Variants in DSCAM observed in about 807,000 individuals in gnomAD.
The protein encoded by DSCAM is DS cell adhesion molecule.
A neutral mutation model predicts 217.7 loss-of-function variants in DSCAM; 47 were observed. The ratio of observed to expected loss-of-function variants is 0.22; its 90% CI spans 0.17 to 0.28. The LOEUF is 0.28. Ranked by LOEUF, DSCAM falls within the 10% of genes least tolerant of loss-of-function variation. The pLI, the probability that DSCAM is intolerant of heterozygous loss-of-function variation, is 1.00. For missense variants in DSCAM, 2,080 were observed against 2,618.3 expected (o/e 0.79, Z 4.49); for synonymous variants, 1,056 against 1,015.3 (o/e 1.04, Z -0.76).
chr21:40,479,953 G>C (rs2075968426), intron 3 of DSCAM, among the ~76,000 whole-genome samples: 1 of 152,168 alleles, frequency 6.6e-6, no homozygotes, highest in African/African-American at 2.4e-5. Context: ...ATGGTCTTTT[G>C]TGCCAGGTAA....
intron 3 of DSCAM, among the ~76,000 whole-genome samples, chr21:40,514,026 C>T (rs1212648448): frequency 6.6e-6 from 1 of 152,128 alleles, no homozygotes; most frequent in Non-Finnish European, 1.5e-5. Flanking sequence ...ATACAGAATT[C>T]ATAAGGAACC....
At chr21:40,456,550 T>C (rs2075764926) in intron 3 of DSCAM, among the ~76,000 whole-genome samples, 1 of 151,888 alleles carries the variant, frequency 6.6e-6, no homozygotes, top group Admixed American at 6.6e-5. Context: ...AATGAGAAAA[T>C]GAGGAAAGAC....
intron 3 of DSCAM, among the ~76,000 whole-genome samples, chr21:40,442,596 T>C (rs1044202260): frequency 7.1e-6 from 1 of 141,254 alleles, no homozygotes; most frequent in Non-Finnish European, 1.5e-5. Flanking sequence ...CTCGGCTCAC[T>C]GCAACCTCTG....
chr21:40,188,249 T>G (rs1264497341), intron 12 of DSCAM, among the ~76,000 whole-genome samples: 1 of 152,222 alleles, frequency 6.6e-6, no homozygotes, highest in Admixed American at 6.5e-5. Context: ...ACGTACATTA[T>G]CCATGTCAGG....
At chr21:40,093,940 G>T in intron 20 of DSCAM, 66 bp from the exon 21 acceptor site, 1 of 1,544,240 alleles carries the variant, frequency 6.5e-7, no homozygotes, top group Non-Finnish European at 8.9e-7. Flanking sequence ...ATTTCCCGAA[G>T]GAATGGTCAT....
chr21:40,827,936 C>A (rs2091983358), intron 1 of DSCAM, among the ~76,000 whole-genome samples: 1 of 152,210 alleles, frequency 6.6e-6, no homozygotes, highest in East Asian at 1.9e-4. Context: ...ATACTCAATT[C>A]TTTCCAGTAG....
At chr21:40,721,118 AG>A (rs1378216594) in intron 1 of DSCAM, among the ~76,000 whole-genome samples, 3 of 152,230 alleles carry the variant, frequency 2.0e-5, no homozygotes, top group Non-Finnish European at 4.4e-5. Context: ...ACACAGCTGC[AG>A]GGGACAAATT....
chr21:40,797,364 C>T lies in DSCAM; in HGVS notation c.43+49255G>A, dbSNP rs533151771. On this transcript the variant is annotated intron_variant, in intron 1 of 32. Coordinates refer to ENST00000400454, the MANE Select transcript of DSCAM (RefSeq NM_001389.5). ...GTCTCTTCTCCACACTGTTGCGAAA[C>T]CCAGTAGCAGTGAACCAGAACATCC... Among the ~76,000 whole-genome samples the T allele has an allele frequency of 2.0e-4, 31 of 152,228 alleles. No homozygotes were observed. In the South Asian group the frequency reaches 5.6e-3, roughly 28 times the overall value.
chr21:40,270,370 G>A (rs1601503809), intron 11 of DSCAM, among the ~76,000 whole-genome samples: 1 of 152,310 alleles, frequency 6.6e-6, no homozygotes, highest in East Asian at 1.9e-4. Context: ...GACGTATCTG[G>A]CAACTGGACT....
Position 40,466,284 on chromosome 21 carries a change from C to T in DSCAM, c.509-97039G>A, listed in dbSNP as rs61062957. On this transcript the variant is annotated intron_variant, in intron 3 of 32. Transcript: ENST00000400454. ...CTGTCTAGACCCAAGACCTCTCATG[C>T]CAATATCACTTTTCATTCCTGAAAC... 2.0e-3 allele frequency among the ~76,000 whole-genome samples: 312 copies of T among 152,304 alleles called. 2 individuals carry two copies. The highest frequency in any genetic ancestry group is 6.9e-3 in the African/African-American group (285 of 41,560).
rs543830935 is a variant in DSCAM, at chr21:40,115,217, C to T, written c.3696+8978G>A. ...AAGAAAATGTGGCACATATACACCA[C>T]GGAACACTATGCAGCCATAAAAAAG... On this transcript the variant is annotated intron_variant, in intron 20 of 32. Transcript: ENST00000400454. 3.1e-3 allele frequency among the ~76,000 whole-genome samples: 472 copies of T among 152,130 alleles called. 2 individuals are homozygous for T. The highest frequency in any genetic ancestry group is 0.01 in the African/African-American group (434 of 41,508).
chr21:40,667,485 C>G (rs1270620037), intron 3 of DSCAM, among the ~76,000 whole-genome samples: 1 of 152,166 alleles, frequency 6.6e-6, no homozygotes, highest in Non-Finnish European at 1.5e-5. Context: ...TAACTTGGGA[C>G]AAATCTGACC....
At chr21:40,055,116 G>A (rs2088993332) in intron 29 of DSCAM, among the ~76,000 whole-genome samples, 1 of 152,114 alleles carries the variant, frequency 6.6e-6, no homozygotes, top group South Asian at 2.1e-4. Flanking sequence ...CTGGGTTCTG[G>A]TTGAACAAGC....
At chr21:40,616,384 G>A (rs1181269484) in intron 3 of DSCAM, among the ~76,000 whole-genome samples, 2 of 152,094 alleles carry the variant, frequency 1.3e-5, no homozygotes, top group East Asian at 1.9e-4. Flanking sequence ...TAGTTGGTTC[G>A]TACCAAGTCA....
chr21:40,534,865 C>T (rs77788935), intron 3 of DSCAM, among the ~76,000 whole-genome samples: 4 of 151,928 alleles, frequency 2.6e-5, no homozygotes, highest in African/African-American at 4.8e-5. Flanking sequence ...AAATCATGGG[C>T]GGTTGTAATG....
chr21:40,475,475 C>A (rs544324484), intron 3 of DSCAM, among the ~76,000 whole-genome samples: 150 of 152,308 alleles, frequency 9.8e-4, no homozygotes, highest in African/African-American at 2.9e-3. Context: ...TCGTCCTGGC[C>A]TCCTTATGAT....
rs75868301 is a variant in DSCAM, at chr21:40,803,159, C to T, written c.43+43460G>A. Among the ~76,000 whole-genome samples, 1,043 of 152,324 alleles carry T rather than the reference C, an allele frequency of 6.8e-3. 7 individuals are homozygous for T. Among genetic ancestry groups the T allele is most frequent in the Admixed American group, 0.018 (271 of 15,302 alleles). The stretch of plus-strand genomic sequence containing the variant: ...CCCCTAAATTTCTTTCCTCAAGTCT[C>T]CAATAAGTGCTGCACAGCTGAAATC... On this transcript the variant is annotated intron_variant, in intron 1 of 32. Transcript: ENST00000400454.
rs1398634582 is a variant in DSCAM at position 40,144,541 on chromosome 21, G to A, written c.3209C>T (p.Ala1070Val). 1 of 1,614,210 alleles carries A rather than the reference G, an allele frequency of 6.2e-7. No individual in the cohort carries two copies. The highest frequency in any genetic ancestry group is 8.5e-7 in the Non-Finnish European group (1 of 1,180,040). The change falls in exon 17 of 33, where the codon GCC (alanine) becomes GTC (valine). Residue 1070 changes from alanine to valine, a missense_variant. Physicochemically the swap from Ala to Val is moderately conservative, Grantham distance 64. Coordinates refer to ENST00000400454, the MANE Select transcript of DSCAM (RefSeq NM_001389.5). This position sits in a 1 kb window ranked among gnomAD's most constrained non-coding sequence, Gnocchi z 4.8. Reference protein sequence around the residue: ...YGLVVQACNRAGTGPSSQEII... With the variant: ...YGLVVQACNRVGTGPSSQEII... The stretch of plus-strand genomic sequence containing the variant: ...TTCCTGAGAAGAAGGCCCCGTGCCG[G>A]CCCGGTTACAGGCCTGCACCACCAG...
intron 8 of DSCAM, among the ~76,000 whole-genome samples, chr21:40,334,686 A>C (rs879798408): frequency 6.7e-6 from 1 of 149,550 alleles, no homozygotes; most frequent in African/African-American, 2.5e-5. Flanking sequence ...GCTGGAGTGC[A>C]GTGTCTATTC....
Sources: allele counts gnomAD v4.1 joint callset (sites outside exome capture counted in the v4.1 genomes callset), GRCh38; gene constraint gnomAD v4.1.1; non-coding constraint Gnocchi (gnomAD v3.1); transcripts MANE v1.5; gene names NCBI Gene and HGNC (gene_info 2026-07-23, HGNC 2026-07-21).